The following BBS9 variants were observed in gnomAD, a reference collection of about 807,000 sequenced individuals.
The protein encoded by BBS9 is protein PTHB1.
BBS9 carries 89 observed loss-of-function variants against 117.7 expected under a neutral mutation model. That is an observed-to-expected ratio of 0.76 (90% confidence interval 0.64 to 0.90). The LOEUF (loss-of-function observed/expected upper bound fraction) is 0.90, where lower values mean the gene tolerates loss of function less well. BBS9 is among the 40% of genes least tolerant of loss of function. BBS9 has a pLI of 0.00. For synonymous variants in BBS9, 379 were observed against 370.9 expected, an observed-to-expected ratio of 1.02 and a Z score of -0.25; for missense variants, 982 against 1,042.2, an observed-to-expected ratio of 0.94 and a Z score of 0.80.
intron 19 of BBS9, among the ~76,000 whole-genome samples, chr7:33,416,968 A>T (rs1832105719): frequency 6.6e-6 from 1 of 152,188 alleles, no homozygotes; most frequent in Non-Finnish European, 1.5e-5. Flanking sequence ...ATAGATATTT[A>T]TTAGGGACCA....
intron 20 of BBS9, among the ~76,000 whole-genome samples, chr7:33,520,086 G>T (rs372164807): frequency 2.0e-5 from 3 of 149,700 alleles, no homozygotes; most frequent in Non-Finnish European, 4.4e-5. Context: ...TCAGCTCACC[G>T]CAACCTCCGC....
chr7:33,633,136 G>A (rs1218436964), intron 21 of BBS9, among the ~76,000 whole-genome samples: 2 of 152,190 alleles, frequency 1.3e-5, no homozygotes, highest in African/African-American at 2.4e-5. Context: ...AGAGCCGCTT[G>A]TGTGCCCGAA....
rs183719394 is a variant in BBS9, at chr7:33,254,557, A to G, written c.443-2679A>G. 2.5e-3 allele frequency among the ~76,000 whole-genome samples: 379 copies of G among 152,240 alleles called. 1 individual carries two copies. The highest frequency in any genetic ancestry group is 2.2e-3 in the Non-Finnish European group (147 of 67,992). On this transcript the variant is annotated intron_variant, in intron 5 of 22. Coordinates refer to ENST00000242067, the MANE Select transcript of BBS9 (RefSeq NM_198428.3). ...AGATCTATTCTCTTAGCAAATTTCA[A>G]GTGTCCATTATTATTCACTGTAATC...
chr7:33,185,893 C>A (rs1037687023), intron 5 of BBS9, among the ~76,000 whole-genome samples: 13 of 152,130 alleles, frequency 8.5e-5, no homozygotes, highest in African/African-American at 2.9e-4. Context: ...TGAACTAACA[C>A]TAGATGGCAG....
chr7:33,600,466 T>C (rs1259271868), intron 21 of BBS9, among the ~76,000 whole-genome samples: 1 of 152,176 alleles, frequency 6.6e-6, no homozygotes, highest in Non-Finnish European at 1.5e-5. Context: ...TAGAAACTTG[T>C]GTAAGCCTTA....
chr7:33,527,382 G>C (rs1334581021), intron 20 of BBS9, among the ~76,000 whole-genome samples: 1 of 152,122 alleles, frequency 6.6e-6, no homozygotes, highest in Non-Finnish European at 1.5e-5. Flanking sequence ...TCAGACTGCT[G>C]TGCTAGCAAT....
chr7:33,276,663 A>G (rs1200770487), intron 9 of BBS9, among the ~76,000 whole-genome samples: 1 of 152,230 alleles, frequency 6.6e-6, no homozygotes. Context: ...AAAGAAAAAA[A>G]CAGCATAAAC....
At chr7:33,271,953 TC>T (rs1459890266) in intron 7 of BBS9, among the ~76,000 whole-genome samples, 1 of 152,074 alleles carries the variant, frequency 6.6e-6, no homozygotes, top group Non-Finnish European at 1.5e-5. Context: ...AACTACACAA[TC>T]GGATATAAAC....
At chr7:33,378,174 A>C (rs923298992) in intron 17 of BBS9, among the ~76,000 whole-genome samples, 11 of 151,934 alleles carry the variant, frequency 7.2e-5, no homozygotes, top group African/African-American at 2.7e-4. Context: ...TTATCACAGC[A>C]CCTTTGTTTC....
At chr7:33,577,874 G>A (rs781132914) in intron 21 of BBS9, among the ~76,000 whole-genome samples, 9 of 152,108 alleles carry the variant, frequency 5.9e-5, no homozygotes, top group Admixed American at 1.3e-4. Flanking sequence ...CACACAGGGC[G>A]GGGAACATCA....
chr7:33,200,402 A>G (rs541505104), intron 5 of BBS9, among the ~76,000 whole-genome samples: 1 of 152,194 alleles, frequency 6.6e-6, no homozygotes, highest in Non-Finnish European at 1.5e-5. Flanking sequence ...TGTAACTATA[A>G]CTTAAATCTT....
At chr7:33,503,724 G>C (rs1316143904) in intron 19 of BBS9, among the ~76,000 whole-genome samples, 1 of 151,052 alleles carries the variant, frequency 6.6e-6, no homozygotes, top group Non-Finnish European at 1.5e-5. Flanking sequence ...CCACAATGAG[G>C]CTTAATTGGT....
At chr7:33,303,334 A>G (rs1240777833) in intron 9 of BBS9, among the ~76,000 whole-genome samples, 1 of 152,114 alleles carries the variant, frequency 6.6e-6, no homozygotes, top group Non-Finnish European at 1.5e-5. Flanking sequence ...CATCCTTGCC[A>G]TGTTCCAGAT....
chr7:33,134,524 T>C (rs772535402), intron 1 of BBS9, among the ~76,000 whole-genome samples: 4 of 152,220 alleles, frequency 2.6e-5, no homozygotes, highest in South Asian at 4.1e-4. Context: ...TTTTCTCCCA[T>C]CATTTCATCT....
chr7:33,246,481 G>A (rs2128292986), intron 5 of BBS9, among the ~76,000 whole-genome samples: 1 of 151,888 alleles, frequency 6.6e-6, no homozygotes, highest in Middle Eastern at 3.4e-3. Context: ...TTGCAAGTGA[G>A]GAATATTTAT....
intron 19 of BBS9, among the ~76,000 whole-genome samples, chr7:33,483,946 C>A (rs1244976997): frequency 6.6e-6 from 1 of 152,108 alleles, no homozygotes; most frequent in Non-Finnish European, 1.5e-5. Context: ...CCTCAACAGA[C>A]CTTTACTGAG....
intron 18 of BBS9, 70 bp from the exon 19 acceptor site, chr7:33,387,922 G>T (rs1826320903): frequency 6.7e-7 from 1 of 1,487,198 alleles, no homozygotes. Context: ...TATTATCATT[G>T]TGTGTATTTT....
chr7:33,623,373 G>C (rs1249277759), intron 21 of BBS9, among the ~76,000 whole-genome samples: 1 of 152,060 alleles, frequency 6.6e-6, no homozygotes, highest in Non-Finnish European at 1.5e-5. Context: ...AAAAGGAGAA[G>C]TCTACAAATA....
intron 20 of BBS9, among the ~76,000 whole-genome samples, chr7:33,519,753 AATG>A (rs1848329985): frequency 6.6e-6 from 1 of 152,222 alleles, no homozygotes. Flanking sequence ...AAGCAGATCT[AATG>A]ATAACAGATT....
Sources: gnomAD v4.1 joint callset for allele counts (sites outside exome capture counted in the v4.1 genomes callset) on GRCh38, gnomAD v4.1.1 for gene constraint, MANE v1.5 for transcripts, NCBI Gene and HGNC (gene_info 2026-07-23, HGNC 2026-07-21) for gene names.